The following SLC39A11 variants were observed in gnomAD, a reference collection of about 807,000 sequenced individuals.
SLC39A11 encodes zinc transporter ZIP11.
SLC39A11 carries 33 observed loss-of-function variants against 36.1 expected under a neutral mutation model. That is an observed-to-expected ratio of 0.91 (90% CI 0.69 to 1.22). The LOEUF (loss-of-function observed/expected upper bound fraction) is 1.22, where lower values mean the gene tolerates loss of function less well. Among genes scored for constraint, SLC39A11 ranks in the 50% most tolerant of loss-of-function variants. The pLI is 0.00. For missense variants in SLC39A11, 432 were observed against 430.3 expected, an observed-to-expected ratio of 1.00 and a Z score of -0.03; for synonymous variants, 166 against 170.3, an observed-to-expected ratio of 0.97 and a Z score of 0.20.
At chr17:73,029,274 T>C (rs1005946624) in intron 4 of SLC39A11, among the ~76,000 whole-genome samples, 3 of 152,004 alleles carry the variant, frequency 2.0e-5, no homozygotes, top group Non-Finnish European at 4.4e-5. Context: ...CCCACAAGGA[T>C]TGCAGAGTCC....
chr17:72,838,972 T>C (rs967181300), intron 6 of SLC39A11: 1 of 152,172 alleles, frequency 6.6e-6, no homozygotes, highest in Non-Finnish European at 1.5e-5. Context: ...GCTAAGTAAA[T>C]ATTACGTCGT....
intron 6 of SLC39A11, among the ~76,000 whole-genome samples, chr17:72,827,591 G>A (rs779141213): frequency 7.2e-5 from 11 of 152,206 alleles, no homozygotes; most frequent in East Asian, 1.9e-4. Flanking sequence ...TACCCCAGGT[G>A]GGGAGACACC....
At chr17:72,680,041 CAAAAAAAAAAAAAAAAAAA>C (rs199650969) in intron 7 of SLC39A11, among the ~76,000 whole-genome samples, 29,631 of 72,882 alleles carry the variant, frequency 0.41, 4,123 homozygotes, top group Admixed American at 0.49. Flanking sequence ...GACTCTGTCT[CAAAAAAAAAAAAAAAAAAA>C]AAAAAAAAAA....
At chr17:72,656,865 C>T (rs936416902) in intron 7 of SLC39A11, among the ~76,000 whole-genome samples, 9 of 151,898 alleles carry the variant, frequency 5.9e-5, no homozygotes, top group Non-Finnish European at 1.0e-4. Flanking sequence ...CATCGAAGGC[C>T]GGGCATGGTG....
At chr17:73,004,701 G>A (rs983198213) in intron 4 of SLC39A11, among the ~76,000 whole-genome samples, 1 of 152,202 alleles carries the variant, frequency 6.6e-6, no homozygotes, top group African/African-American at 2.4e-5. Flanking sequence ...ACTTCACCTG[G>A]TCAAGTCATT....
chr17:72,769,040 G>A lies in SLC39A11; in HGVS notation c.602-32321C>T, dbSNP rs151139001. Among the ~76,000 whole-genome samples the A allele has an allele frequency of 8.0e-3, 1,218 of 152,246 alleles. 16 individuals carry two copies. The highest frequency in any genetic ancestry group is 0.026 in the African/African-American group (1,096 of 41,524). On this transcript the variant is annotated intron_variant, in intron 6 of 9. Transcript: ENST00000255559. ...CTCCCAAAGTGCTAGGATTATAGGC[G>A]TGAGCCACTGCGCCCAGCCAACTTC...
intron 6 of SLC39A11, among the ~76,000 whole-genome samples, chr17:72,770,983 T>G (rs1414540061): frequency 6.6e-6 from 1 of 151,938 alleles, no homozygotes; most frequent in African/African-American, 2.4e-5. Context: ...TTGGTTATAA[T>G]GAATCTTAAT....
chr17:72,917,595 G>A (rs1470053094), intron 5 of SLC39A11, among the ~76,000 whole-genome samples: 2 of 152,166 alleles, frequency 1.3e-5, no homozygotes, highest in Non-Finnish European at 2.9e-5. Flanking sequence ...GACAAGAGGA[G>A]GGAGGAGACA....
At chr17:72,824,036 C>CAAAA (rs35071443) in intron 6 of SLC39A11, among the ~76,000 whole-genome samples, 7 of 150,944 alleles carry the variant, frequency 4.6e-5, no homozygotes, top group African/African-American at 1.7e-4. Context: ...AATAAAAGCA[C>CAAAA]AAAAAAACAT....
rs10570164 is a variant in SLC39A11, at chr17:72,723,321, AGTGTGT to A, written c.671+13323_671+13328del. ...TTCTTTGTCTTTGTAGGAGTGTAAG[AGTGTGT>A]GTGTGTGTGTGTGTGTGTGTGTGTG... On this transcript the variant is annotated intron_variant, in intron 7 of 9. Transcript: ENST00000255559. Among the ~76,000 whole-genome samples the A allele has an allele frequency of 3.6e-3, 529 of 148,514 alleles. 11 individuals are homozygous for A. The highest frequency in any genetic ancestry group is 2.8e-3 in the East Asian group (14 of 4,998).
chr17:72,648,109 C>A (rs954884420), intron 9 of SLC39A11, among the ~76,000 whole-genome samples: 3 of 152,114 alleles, frequency 2.0e-5, no homozygotes, highest in Non-Finnish European at 2.9e-5. Context: ...GCAGGCAGAT[C>A]ACCTGAGGTC....
chr17:72,679,885 T>C (rs747353435), intron 7 of SLC39A11, among the ~76,000 whole-genome samples: 2 of 151,666 alleles, frequency 1.3e-5, no homozygotes, highest in African/African-American at 2.4e-5. Context: ...CTACCAAAAA[T>C]ACAAAAATTA....
chr17:72,904,683 G>A (rs1382140770), intron 5 of SLC39A11, among the ~76,000 whole-genome samples: 2 of 152,202 alleles, frequency 1.3e-5, no homozygotes, highest in African/African-American at 4.8e-5. Context: ...TTCCTTCTCA[G>A]GTGGCACTGA....
intron 4 of SLC39A11, among the ~76,000 whole-genome samples, chr17:72,980,800 G>A (rs1255346609): frequency 6.6e-6 from 1 of 152,122 alleles, no homozygotes; most frequent in Non-Finnish European, 1.5e-5. Context: ...TGAGGCGGGT[G>A]GATCAAAGAG....
rs535678316 is a variant in SLC39A11 at position 72,981,285 on chromosome 17, T to A, written c.307-33410A>T. Among the ~76,000 whole-genome samples the A allele has an allele frequency of 1.8e-4, 28 of 152,296 alleles. No individual in the cohort carries two copies. The East Asian group carries it at 5.2e-3, about 28-fold the overall frequency. Reference sequence around the variant, plus strand: ...TATAGCCCATCTCAATCTGGACTAGTCACACTTCAAGCACTCAATACACAC... The same window carrying A: ...TATAGCCCATCTCAATCTGGACTAGACACACTTCAAGCACTCAATACACAC... On this transcript the variant is annotated intron_variant, in intron 4 of 9. Transcript: ENST00000255559.
chr17:72,872,140 CCAG>C, intron 5 of SLC39A11, among the ~76,000 whole-genome samples: 1 of 152,282 alleles, frequency 6.6e-6, no homozygotes, highest in Non-Finnish European at 1.5e-5. Context: ...TGCTCCTGTC[CCAG>C]TGCCTGGGGA....
At chr17:72,774,283 C>A (rs2076057451) in intron 6 of SLC39A11, among the ~76,000 whole-genome samples, 1 of 152,198 alleles carries the variant, frequency 6.6e-6, no homozygotes, top group Non-Finnish European at 1.5e-5. Context: ...CAGTGACCAC[C>A]AAACTCTCTA....
intron 2 of SLC39A11, among the ~76,000 whole-genome samples, chr17:73,086,568 C>T (rs955899409): frequency 2.0e-5 from 3 of 152,020 alleles, no homozygotes; most frequent in South Asian, 2.1e-4. Flanking sequence ...ACCTGTAATC[C>T]CAGCAGTCTG....
intron 7 of SLC39A11, among the ~76,000 whole-genome samples, chr17:72,684,808 A>G (rs1241400209): frequency 6.6e-6 from 1 of 152,112 alleles, no homozygotes; most frequent in Non-Finnish European, 1.5e-5. Context: ...GCTACAAGAG[A>G]AAGCATTTGG....
Sources: allele counts gnomAD v4.1 joint callset (sites outside exome capture counted in the v4.1 genomes callset), GRCh38; gene constraint gnomAD v4.1.1; transcripts MANE v1.5; gene names NCBI Gene and HGNC (gene_info 2026-07-23, HGNC 2026-07-21).